Variants in TIAM1 observed in about 807,000 individuals in gnomAD.
TIAM1 encodes the protein rho guanine nucleotide exchange factor TIAM1.
In TIAM1, 65 loss-of-function variants were observed where a neutral mutation model predicts 163.5. That is an observed-to-expected ratio of 0.40 (90% CI 0.33 to 0.49). TIAM1 has a LOEUF of 0.49. Among genes scored for constraint, TIAM1 ranks in the 20% least tolerant of loss-of-function variants. The probability of loss-of-function intolerance (pLI) is 0.77; values close to 1 mark genes in which losing one functional copy is unlikely to be tolerated. For synonymous variants in TIAM1, 833 were observed against 810.1 expected (o/e 1.03, Z -0.48); for missense variants, 1,789 against 2,044.7 (o/e 0.87, Z 2.41).
chr21:31,140,198 AG>A (rs766873933), intron 22 of TIAM1, among the ~76,000 whole-genome samples: 15 of 152,320 alleles, frequency 9.8e-5, no homozygotes, highest in Non-Finnish European at 1.8e-4. Flanking sequence ...TCTGGAGATA[AG>A]GTGCTTTCTC....
intron 1 of TIAM1, among the ~76,000 whole-genome samples, chr21:31,515,315 C>T (rs2047346426): frequency 6.6e-6 from 1 of 152,098 alleles, no homozygotes; most frequent in Non-Finnish European, 1.5e-5. Context: ...CAGAAATCCT[C>T]AAAGTGTGGT....
At chr21:31,384,513 T>C (rs898286684) in intron 2 of TIAM1, among the ~76,000 whole-genome samples, 6 of 152,096 alleles carry the variant, frequency 3.9e-5, no homozygotes, top group Non-Finnish European at 7.4e-5. Context: ...AGCTTGAGGC[T>C]GCAGTGAGCT....
In TIAM1 at chr21:31,315,679, C is replaced by CAAAAAAAAAAAA. The variant is rs58560437; in HGVS notation, c.-189+23552_-189+23563dup. ...GGGCAACAAGAGCAAAACTCCATCT[C>CAAAAAAAAAAAA]AAAAAAAAAAAAAAAAAAAAGGACA... On this transcript the variant is annotated intron_variant, in intron 2 of 27. Coordinates refer to ENST00000541036, the MANE Select transcript of TIAM1 (RefSeq NM_001353694.2). Among the ~76,000 whole-genome samples the CAAAAAAAAAAAA allele has an allele frequency of 2.9e-3, 236 of 80,208 alleles. 11 individuals are homozygous for CAAAAAAAAAAAA. The highest frequency in any genetic ancestry group is 0.027 in the East Asian group (76 of 2,806). The allele number at this position is 80,208 out of a possible 152,430, so 52.6% of individuals were successfully genotyped here.
intron 2 of TIAM1, among the ~76,000 whole-genome samples, chr21:31,372,825 G>A (rs146209782): frequency 4.6e-4 from 70 of 152,188 alleles, no homozygotes; most frequent in East Asian, 3.9e-3. Flanking sequence ...GGAGGCCAAG[G>A]CAGGCAGATT....
chr21:31,125,359 C>T (rs2082157056), intron 26 of TIAM1, among the ~76,000 whole-genome samples: 1 of 151,966 alleles, frequency 6.6e-6, no homozygotes, highest in Admixed American at 6.6e-5. Flanking sequence ...GCTACTAAAC[C>T]CCATGGACCT....
intron 2 of TIAM1, among the ~76,000 whole-genome samples, chr21:31,297,761 GTT>G (rs919457325): frequency 6.6e-6 from 1 of 152,142 alleles, no homozygotes; most frequent in African/African-American, 2.4e-5. Context: ...TTACGTTAGG[GTT>G]TTGAGACCCC....
rs758741301 is a variant in TIAM1 at position 31,486,183 on chromosome 21, G to A, written c.-421-22148C>T. On this transcript the variant is annotated intron_variant, in intron 1 of 28. Transcript: ENST00000286827. The stretch of plus-strand genomic sequence containing the variant: ...TGCCATAAGGCACTGTGAAACCAGC[G>A]TCCCTTTAGGAGGAATGGGAGTCCC... Among the ~76,000 whole-genome samples the A allele has an allele frequency of 3.9e-5, 6 of 152,298 alleles. No individual in the cohort carries two copies. In the South Asian group the frequency reaches 8.3e-4, roughly 21 times the overall value.
intron 25 of TIAM1, among the ~76,000 whole-genome samples, chr21:31,129,551 A>G (rs1190274217): frequency 2.6e-5 from 4 of 152,232 alleles, no homozygotes; most frequent in Non-Finnish European, 2.9e-5. Flanking sequence ...GTGCTGGCAC[A>G]TGCCTGTAGT....
intron 2 of TIAM1, among the ~76,000 whole-genome samples, chr21:31,296,567 C>T (rs2146938418): frequency 6.6e-6 from 1 of 152,266 alleles, no homozygotes; most frequent in South Asian, 2.1e-4. Context: ...ACACTCATGT[C>T]TCTTCTATTT....
At chr21:31,448,916 T>C (rs2044726102) in intron 2 of TIAM1, among the ~76,000 whole-genome samples, 1 of 152,158 alleles carries the variant, frequency 6.6e-6, no homozygotes, top group Admixed American at 6.6e-5. Flanking sequence ...CAACCTCAGT[T>C]TCCCCATTTG....
chr21:31,195,118 T>C, intron 13 of TIAM1, 106 bp downstream of exon 13: 1 of 805,296 alleles, frequency 1.2e-6, no homozygotes, highest in Admixed American at 2.4e-5. Context: ...AGATATACTA[T>C]CTGTTTTAGA....
At chr21:31,389,819 T>C (rs1259090726) in intron 2 of TIAM1, among the ~76,000 whole-genome samples, 1 of 152,222 alleles carries the variant, frequency 6.6e-6, no homozygotes, top group Non-Finnish European at 1.5e-5. Context: ...TTTTTCTATA[T>C]AAATCAATTC....
chr21:31,339,023 G>T (rs549616666), intron 2 of TIAM1, among the ~76,000 whole-genome samples: 18 of 152,010 alleles, frequency 1.2e-4, no homozygotes, highest in East Asian at 3.9e-4. Context: ...ATAACCATGG[G>T]AACCACCCAG....
intron 1 of TIAM1, among the ~76,000 whole-genome samples, chr21:31,553,700 A>C (rs7275940): frequency 0.029 from 4,368 of 152,184 alleles, 225 homozygotes; most frequent in African/African-American, 0.1. Context: ...CCAACAGACA[A>C]TGGAGGCCTC....
intron 2 of TIAM1, among the ~76,000 whole-genome samples, chr21:31,314,725 C>T (rs1471656133): frequency 2.6e-5 from 4 of 152,066 alleles, no homozygotes; most frequent in African/African-American, 4.8e-5. Context: ...ATTTTGCACA[C>T]GGAGCTATTT....
chr21:31,269,161 A>T (rs546698420), intron 3 of TIAM1, among the ~76,000 whole-genome samples: 2 of 152,378 alleles, frequency 1.3e-5, no homozygotes, highest in South Asian at 4.1e-4. Context: ...TGCCAACAGA[A>T]AACTCATCAA....
At chr21:31,483,021 C>T (rs1218019846) in intron 1 of TIAM1, among the ~76,000 whole-genome samples, 3 of 152,146 alleles carry the variant, frequency 2.0e-5, no homozygotes, top group Admixed American at 6.5e-5. Context: ...CCAGGTCACA[C>T]AGCTGGTAAA....
intron 1 of TIAM1, among the ~76,000 whole-genome samples, chr21:31,548,681 T>C (rs981695895): frequency 6.9e-6 from 1 of 144,940 alleles, no homozygotes; most frequent in Non-Finnish European, 1.5e-5. Context: ...TAGAGATGGG[T>C]CTTCACCATG....
intron 2 of TIAM1, among the ~76,000 whole-genome samples, chr21:31,282,312 A>C (rs965607341): frequency 7.9e-5 from 12 of 152,218 alleles, no homozygotes; most frequent in Admixed American, 7.2e-4. Context: ...ATTTCATAGG[A>C]ATGTTTCTTG....
Sources: gnomAD v4.1 joint callset for allele counts (sites outside exome capture counted in the v4.1 genomes callset) on GRCh38, gnomAD v4.1.1 for gene constraint, MANE v1.5 for transcripts, NCBI Gene and HGNC (gene_info 2026-07-23, HGNC 2026-07-21) for gene names.